EPB41L1: variants seen among roughly 807,000 people sequenced by gnomAD.
EPB41L1 encodes the protein erythrocyte membrane protein band 4.1 like 1.
A neutral mutation model predicts 97.8 loss-of-function variants in EPB41L1; 29 were observed. That is an observed-to-expected ratio of 0.30 (90% confidence interval 0.22 to 0.40). EPB41L1 has a LOEUF of 0.40. Ranked by LOEUF, EPB41L1 falls within the 10% of genes least tolerant of loss-of-function variation. The pLI is 1.00. For missense variants in EPB41L1, 812 were observed against 1,162.3 expected (o/e 0.70, Z 4.38); for synonymous variants, 383 against 459.2 (o/e 0.83, Z 2.12).
rs1002257122 is a variant in EPB41L1, at chr20:36,231,129, A to G, written c.*1789A>G. ...CTTGGAGACCTCCCTCTCAGTCAAC[A>G]GCTGAACTCTGAGCTTGTGCCCAGA... On this transcript the variant is annotated 3_prime_UTR_variant, in exon 22 of 22. Coordinates refer to ENST00000338074, the MANE Select transcript of EPB41L1 (RefSeq NM_012156.2). The G allele has an allele frequency of 4.6e-5, 7 of 152,228 alleles. No homozygotes were observed. Among genetic ancestry groups the G allele is most frequent in the African/African-American group, 1.7e-4 (7 of 41,440 alleles). The allele number at this position is 152,228 out of a possible 1,614,324, so 9.4% of individuals were successfully genotyped here.
At chr20:36,197,399 C>A (rs948711072) in intron 13 of EPB41L1, among the ~76,000 whole-genome samples, 3 of 152,180 alleles carry the variant, frequency 2.0e-5, no homozygotes, top group Non-Finnish European at 2.9e-5. Flanking sequence ...CTAGGAGGCA[C>A]CTGAATGAGT....
Position 36,154,880 on chromosome 20 carries a change from G to A in EPB41L1, c.-31G>A. 1 of 1,023,416 alleles carries A rather than the reference G, an allele frequency of 9.8e-7. No individual in the cohort carries two copies. The allele number at this position is 1,023,416 out of a possible 1,614,324, so 63.4% of individuals were successfully genotyped here. On this transcript the variant is annotated 5_prime_UTR_variant, in exon 1 of 22. Transcript: ENST00000338074. The surrounding 1 kb of genome is among the most constrained non-coding windows in gnomAD (Gnocchi z 5.5). ...CCCCTCGCCCAACCTGCCCGACATGGGGAACCCCGGGCCCAGGTAGGCACA... is the reference window on the plus strand; with the variant it reads ...CCCCTCGCCCAACCTGCCCGACATGAGGAACCCCGGGCCCAGGTAGGCACA...
At chr20:36,160,340 C>G (rs1024076737) in intron 1 of EPB41L1, among the ~76,000 whole-genome samples, 1 of 152,252 alleles carries the variant, frequency 6.6e-6, no homozygotes, top group African/African-American at 2.4e-5. Context: ...TCCCAGCACT[C>G]TGGGAGGCTG....
chr20:36,146,857 A>G (rs1433140355), intron 2 of EPB41L1, among the ~76,000 whole-genome samples: 1 of 152,076 alleles, frequency 6.6e-6, no homozygotes, highest in Admixed American at 6.5e-5. Flanking sequence ...AGAAAAAAAA[A>G]AAAAGGAGGT....
chr20:36,119,634 G>T (rs1051345101), intron 2 of EPB41L1, among the ~76,000 whole-genome samples: 1 of 148,984 alleles, frequency 6.7e-6, no homozygotes, highest in Non-Finnish European at 1.5e-5. Context: ...GGGAAGGGAA[G>T]CGGAGGGGAG....
chr20:36,225,029 C>T lies in EPB41L1; in HGVS notation c.2637+2635C>T, dbSNP rs2064028951. ...TAGAGACGGGGTTTCACCATATTTGCCATGCTGGCCTCAAACTCCTGACCT... is the reference window on the plus strand; with the variant it reads ...TAGAGACGGGGTTTCACCATATTTGTCATGCTGGCCTCAAACTCCTGACCT... On this transcript the variant is annotated intron_variant, in intron 21 of 21. Transcript: ENST00000338074. Among the ~76,000 whole-genome samples the T allele has an allele frequency of 2.0e-5, 3 of 152,340 alleles. No homozygotes were observed. In the South Asian group the frequency reaches 6.2e-4, roughly 32 times the overall value.
chr20:36,180,339 C>G (rs1600779241), intron 5 of EPB41L1, among the ~76,000 whole-genome samples: 2 of 152,166 alleles, frequency 1.3e-5, no homozygotes, highest in Admixed American at 1.3e-4. Context: ...GGTGTATCTC[C>G]TCCCAAACCT....
intron 17 of EPB41L1, among the ~76,000 whole-genome samples, chr20:36,217,677 A>C (rs868052102): frequency 3.3e-5 from 5 of 152,176 alleles, no homozygotes; most frequent in African/African-American, 1.2e-4. Flanking sequence ...TTGAGCCCGG[A>C]AGCTGCCCTT....
intron 1 of EPB41L1, chr20:36,155,810 C>A: frequency 2.7e-6 from 1 of 373,068 alleles, no homozygotes. Context: ...ATCCGCATAG[C>A]ACCTCCTCTG....
intron 2 of EPB41L1, among the ~76,000 whole-genome samples, chr20:36,149,642 G>A (rs1489502951): frequency 6.6e-6 from 1 of 152,216 alleles, no homozygotes; most frequent in East Asian, 1.9e-4. Flanking sequence ...CAGCCTGCCA[G>A]GCAGCACTTC....
chr20:36,120,603 T>G lies in EPB41L1; in HGVS notation c.-10+8123T>G, dbSNP rs574204826. ...CCTGGACAACCAGATTCATATTTTC[T>G]CTCTCATCTGTTTCTCTTTCTCCTA... On this transcript the variant is annotated intron_variant, in intron 2 of 19. Transcript: ENST00000202028. 9.2e-5 allele frequency among the ~76,000 whole-genome samples: 14 copies of G among 152,300 alleles called. No individual in the cohort carries two copies. In the East Asian group the frequency reaches 2.7e-3, roughly 29 times the overall value.
rs1409548385 is a variant in EPB41L1, at chr20:36,204,244, G to C, written c.1669-5244G>C. 2.0e-5 allele frequency among the ~76,000 whole-genome samples: 3 copies of C among 152,200 alleles called. No individual in the cohort carries two copies. The East Asian group carries it at 5.8e-4, about 29-fold the overall frequency. On this transcript the variant is annotated intron_variant, in intron 14 of 21. Coordinates refer to ENST00000338074, the MANE Select transcript of EPB41L1 (RefSeq NM_012156.2). ...GGAGGTACCTCAGGGCATTAAGGCC[G>C]CCCACACCCCCAACTTTACCAGGGC...
At chr20:36,228,066 CTA>C (rs1330801892) in intron 21 of EPB41L1, among the ~76,000 whole-genome samples, 1 of 152,180 alleles carries the variant, frequency 6.6e-6, no homozygotes, top group East Asian at 1.9e-4. Flanking sequence ...CTCGGTTTTC[CTA>C]TGTGTCAAAT....
chr20:36,164,955 G>A (rs1224343973), intron 1 of EPB41L1, among the ~76,000 whole-genome samples: 1 of 151,930 alleles, frequency 6.6e-6, no homozygotes, highest in African/African-American at 2.4e-5. Flanking sequence ...CAAAATGCTG[G>A]GATTACAGGT....
intron 2 of EPB41L1, among the ~76,000 whole-genome samples, chr20:36,145,995 A>G (rs2059817499): frequency 6.6e-6 from 1 of 152,044 alleles, no homozygotes; most frequent in South Asian, 2.1e-4. Flanking sequence ...CTCAGTCTAC[A>G]TTGTCCTTCT....
intron 8 of EPB41L1, among the ~76,000 whole-genome samples, chr20:36,188,097 TGAAC>T (rs2061761716): frequency 6.6e-6 from 1 of 152,144 alleles, no homozygotes; most frequent in Non-Finnish European, 1.5e-5. Flanking sequence ...GCTGGATGAA[TGAAC>T]GATTGAGTGA....
At chr20:36,103,184 C>G (rs2058072239) in intron 1 of EPB41L1, among the ~76,000 whole-genome samples, 1 of 152,200 alleles carries the variant, frequency 6.6e-6, no homozygotes, top group East Asian at 1.9e-4. Flanking sequence ...TTGGTCTTAG[C>G]TTTATCCAGG....
rs1600969764 is a variant in EPB41L1 at position 36,207,855 on chromosome 20, T to C, written c.1669-1633T>C. ...GGGCTGGCCGCATGCTCTGTAGTTT[T>C]TAGAAGCATGTTTCAGTGGCCCCTC... On this transcript the variant is annotated intron_variant, in intron 14 of 21. Coordinates refer to ENST00000338074, the MANE Select transcript of EPB41L1 (RefSeq NM_012156.2). This position sits in a 1 kb window ranked among gnomAD's most constrained non-coding sequence, Gnocchi z 4.9. The C allele has an allele frequency of 8.3e-7, 1 of 1,211,900 alleles. No homozygotes were observed. The highest frequency in any genetic ancestry group is 5.7e-5 in the East Asian group (1 of 17,392). The allele number at this position is 1,211,900 out of a possible 1,614,324, so 75.1% of individuals were successfully genotyped here.
chr20:36,189,652 A>G (rs918976138), intron 9 of EPB41L1, among the ~76,000 whole-genome samples: 4 of 152,190 alleles, frequency 2.6e-5, no homozygotes, highest in African/African-American at 7.2e-5. Context: ...CTTAGATGAC[A>G]GGAGCCCCTA....
Sources: allele counts gnomAD v4.1 joint callset (sites outside exome capture counted in the v4.1 genomes callset), GRCh38; gene constraint gnomAD v4.1.1; non-coding constraint Gnocchi (gnomAD v3.1); transcripts MANE v1.5; gene names NCBI Gene and HGNC (gene_info 2026-07-23, HGNC 2026-07-21).